The following CAMK4 variants were observed in gnomAD, a reference collection of about 807,000 sequenced individuals.
The protein encoded by CAMK4 is calcium/calmodulin dependent protein kinase IV.
In CAMK4, 22 loss-of-function variants were observed where a neutral mutation model predicts 44.9. That is an observed-to-expected ratio of 0.49 (90% CI 0.35 to 0.70). The LOEUF is 0.70. Among genes scored for constraint, CAMK4 ranks in the 30% least tolerant of loss-of-function variants. The pLI, the probability that CAMK4 is intolerant of heterozygous loss-of-function variation, is 0.01. For missense variants in CAMK4, 498 were observed against 586.8 expected (o/e 0.85, Z 1.56); for synonymous variants, 218 against 215.4 (o/e 1.01, Z -0.11).
rs557866197 is a variant in CAMK4 at position 111,346,054 on chromosome 5, A to G, written c.240+1952A>G. Among the ~76,000 whole-genome samples the G allele has an allele frequency of 4.6e-5, 7 of 152,102 alleles. No individual in the cohort carries two copies. The East Asian group carries it at 1.4e-3, about 30-fold the overall frequency. ...TATTGTCTCCTAGGATAAATCATGC[A>G]CAGAGATGTGTAAACGAGAGAAATA... is the stretch of plus-strand genomic sequence containing the variant. On this transcript the variant is annotated intron_variant, in intron 2 of 10. Coordinates refer to ENST00000282356, the MANE Select transcript of CAMK4 (RefSeq NM_001744.6).
intron 1 of CAMK4, among the ~76,000 whole-genome samples, chr5:111,272,191 A>G (rs1049533066): frequency 6.6e-6 from 1 of 152,018 alleles, no homozygotes; most frequent in Non-Finnish European, 1.5e-5. Flanking sequence ...GAGAGGTGTT[A>G]TGGAAATTTT....
rs1348100077 is a variant in CAMK4 at position 111,358,559 on chromosome 5, C to CT, written c.240+14470dup. The stretch of plus-strand genomic sequence containing the variant: ...CCAATCTGTCACTGGCAGGATTTTT[C>CT]TTTTTTTTTTTTTAACTTTTATTTT... On this transcript the variant is annotated intron_variant, in intron 2 of 10. Transcript: ENST00000282356. 7.4e-3 allele frequency among the ~76,000 whole-genome samples: 1,048 copies of CT among 140,812 alleles called. 12 individuals are homozygous for CT. The highest frequency in any genetic ancestry group is 0.025 in the African/African-American group (965 of 38,532). The allele number at this position is 140,812 out of a possible 152,430, so 92.4% of individuals were successfully genotyped here.
chr5:111,477,289 G>A (rs1323895104), intron 8 of CAMK4, among the ~76,000 whole-genome samples: 1 of 152,242 alleles, frequency 6.6e-6, no homozygotes, highest in African/African-American at 2.4e-5. Context: ...CATTCTCCCA[G>A]TGGGACATTC....
chr5:111,434,687 G>A (rs949205344), intron 5 of CAMK4, among the ~76,000 whole-genome samples: 2 of 152,150 alleles, frequency 1.3e-5, no homozygotes, highest in South Asian at 2.1e-4. Flanking sequence ...TGATAAAGAC[G>A]ATGGTAGTAC....
intron 2 of CAMK4, among the ~76,000 whole-genome samples, chr5:111,370,909 A>G (rs902738473): frequency 3.9e-5 from 4 of 102,792 alleles, no homozygotes; most frequent in South Asian, 4.5e-4. Context: ...GCGAGACTCC[A>G]TCTCAAAAAA....
rs1203945335 is a variant in CAMK4 at position 111,248,530 on chromosome 5, A to C, written c.161+23886A>C. Among the ~76,000 whole-genome samples, 5 of 151,452 alleles carry C rather than the reference A, an allele frequency of 3.3e-5. No individual in the cohort carries two copies. In the East Asian group the frequency reaches 7.7e-4, roughly 23 times the overall value. On this transcript the variant is annotated intron_variant, in intron 1 of 10. Transcript: ENST00000282356. The stretch of plus-strand genomic sequence containing the variant: ...AGAAAACAAGTCATGAAAAAAAAAA[A>C]CAGGACAAGTGAAGGTCCTGAAAGC...
At chr5:111,354,600 T>G (rs999040109) in intron 2 of CAMK4, among the ~76,000 whole-genome samples, 3 of 116,754 alleles carry the variant, frequency 2.6e-5, no homozygotes, top group African/African-American at 1.0e-4. Flanking sequence ...AAATAGCTAC[T>G]TGGGAGGCTG....
intron 7 of CAMK4, among the ~76,000 whole-genome samples, chr5:111,451,410 T>A (rs1754232904): frequency 6.6e-6 from 1 of 152,046 alleles, no homozygotes; most frequent in African/African-American, 2.4e-5. Flanking sequence ...TGATTCTCAT[T>A]CCTCAGCCTC....
intron 1 of CAMK4, among the ~76,000 whole-genome samples, chr5:111,233,617 T>C (rs1748576443): frequency 6.6e-6 from 1 of 152,228 alleles, no homozygotes; most frequent in African/African-American, 2.4e-5. Context: ...ATTCCTCTAT[T>C]ATATTTAGAG....
At chr5:111,278,621 G>C (rs944764840) in intron 1 of CAMK4, among the ~76,000 whole-genome samples, 4 of 152,134 alleles carry the variant, frequency 2.6e-5, no homozygotes, top group Non-Finnish European at 5.9e-5. Context: ...AAAGTACCAG[G>C]TGAGAAGAAA....
chr5:111,423,806 C>T (rs1198619880), intron 5 of CAMK4, among the ~76,000 whole-genome samples: 6 of 152,186 alleles, frequency 3.9e-5, no homozygotes, highest in Non-Finnish European at 7.3e-5. Context: ...ATAACAATCT[C>T]GGTAATAGTC....
chr5:111,236,403 T>C (rs1748723864), intron 1 of CAMK4, among the ~76,000 whole-genome samples: 3 of 152,240 alleles, frequency 2.0e-5, no homozygotes, highest in Admixed American at 2.0e-4. Context: ...AGTTCGAGAA[T>C]ACTACCAGGT....
intron 5 of CAMK4, among the ~76,000 whole-genome samples, chr5:111,427,800 G>A (rs1046712323): frequency 2.6e-5 from 4 of 152,242 alleles, no homozygotes; most frequent in African/African-American, 9.6e-5. Flanking sequence ...CCCAGCGGGG[G>A]CCTGGGGACC....
intron 1 of CAMK4, among the ~76,000 whole-genome samples, chr5:111,262,301 G>A (rs1750022710): frequency 6.6e-6 from 1 of 152,060 alleles, no homozygotes; most frequent in Non-Finnish European, 1.5e-5. Flanking sequence ...GAAAATTGCG[G>A]GAGGATGTTA....
chr5:111,404,522 G>A (rs75650007), intron 5 of CAMK4, among the ~76,000 whole-genome samples: 224 of 152,310 alleles, frequency 1.5e-3, no homozygotes, highest in African/African-American at 5.4e-3. Flanking sequence ...AAAACCTTGT[G>A]GCAGATAGAA....
chr5:111,471,783 G>T (rs1755074680), intron 7 of CAMK4, among the ~76,000 whole-genome samples: 1 of 152,212 alleles, frequency 6.6e-6, no homozygotes, highest in Non-Finnish European at 1.5e-5. Flanking sequence ...GGAACATGAT[G>T]AGAGTTAAGG....
At chr5:111,277,077 C>T (rs1750794027) in intron 1 of CAMK4, among the ~76,000 whole-genome samples, 1 of 152,106 alleles carries the variant, frequency 6.6e-6, no homozygotes, top group Admixed American at 6.5e-5. Context: ...CCACATAGCC[C>T]AAAATGTACT....
At chr5:111,340,201 A>T (rs1211784452) in intron 1 of CAMK4, among the ~76,000 whole-genome samples, 2 of 151,058 alleles carry the variant, frequency 1.3e-5, no homozygotes, top group Non-Finnish European at 3.0e-5. Context: ...TTTGATTCAG[A>T]TTCCTTTTAT....
At chr5:111,370,147 T>A (rs1004322261) in intron 2 of CAMK4, among the ~76,000 whole-genome samples, 1 of 152,112 alleles carries the variant, frequency 6.6e-6, no homozygotes, top group African/African-American at 2.4e-5. Flanking sequence ...TTTTAAGAAA[T>A]GTTTTCATAG....
Sources: allele counts gnomAD v4.1 joint callset (sites outside exome capture counted in the v4.1 genomes callset), GRCh38; gene constraint gnomAD v4.1.1; transcripts MANE v1.5; gene names NCBI Gene and HGNC (gene_info 2026-07-23, HGNC 2026-07-21).